The following IQCH variants were observed in gnomAD, a reference collection of about 807,000 sequenced individuals.
The protein encoded by IQCH is IQ motif containing H.
IQCH carries 98 observed loss-of-function variants against 117.0 expected under a neutral mutation model. The observed-to-expected ratio is 0.84, with a 90% CI of 0.71 to 0.99. The LOEUF is 0.99. Among genes scored for constraint, IQCH ranks in the 50% least tolerant of loss-of-function variants. The probability of loss-of-function intolerance (pLI) is 0.00; values close to 1 mark genes in which losing one functional copy is unlikely to be tolerated. For missense variants in IQCH, 1,102 were observed against 1,243.8 expected (o/e 0.89, Z 1.72); for synonymous variants, 412 against 448.2 (o/e 0.92, Z 1.02).
intron 4 of IQCH, among the ~76,000 whole-genome samples, chr15:67,281,097 G>A (rs1322915569): frequency 2.0e-5 from 3 of 152,068 alleles, no homozygotes; most frequent in African/African-American, 4.8e-5. Context: ...ACCCGCCTTG[G>A]CCTCCCAAAG....
chr15:67,498,342 G>A (rs1459177268), intron 20 of IQCH, among the ~76,000 whole-genome samples: 7 of 152,112 alleles, frequency 4.6e-5, no homozygotes, highest in South Asian at 2.1e-4. Flanking sequence ...TGGGCCGGGC[G>A]CGGTGGCTCA....
rs1052805743 is a variant in IQCH at position 67,391,401 on chromosome 15, T to C, written c.1632+2395T>C. ...GAGATTGTATCAGTGCTGATTTTCA[T>C]TTAAATGGATGGCTATGAGATTTTT... On this transcript the variant is annotated intron_variant, in intron 12 of 20. Transcript: ENST00000335894. The surrounding 1 kb of genome is among the most constrained non-coding windows in gnomAD (Gnocchi z 4.3). Among the ~76,000 whole-genome samples, 1 of 152,346 alleles carries C rather than the reference T, an allele frequency of 6.6e-6. No homozygotes were observed. The highest frequency in any genetic ancestry group is 2.4e-5 in the African/African-American group (1 of 41,580).
chr15:67,349,714 A>G (rs1362717935), intron 6 of IQCH, among the ~76,000 whole-genome samples: 1 of 152,206 alleles, frequency 6.6e-6, no homozygotes, highest in Non-Finnish European at 1.5e-5. Context: ...GACTCTTAAA[A>G]CTCAGTGATA....
At chr15:67,468,640 A>AT (rs922939424) in intron 17 of IQCH, among the ~76,000 whole-genome samples, 2 of 152,230 alleles carry the variant, frequency 1.3e-5, no homozygotes, top group African/African-American at 4.8e-5. Context: ...TAAGAACCTC[A>AT]TCAGCCTCTG....
intron 16 of IQCH, among the ~76,000 whole-genome samples, chr15:67,449,899 A>C (rs113528947): frequency 1.1e-4 from 16 of 152,054 alleles, no homozygotes; most frequent in Non-Finnish European, 1.2e-4. Flanking sequence ...CTTTTATTTC[A>C]TTGAACAGTG....
rs2082663734 is a variant in IQCH at position 67,456,658 on chromosome 15, T to G, written c.2506-8469T>G. ...AGTATTGTGTTGTATCTGACCGACA[T>G]GTTCTATTTGGTTGATATTTTTAAA... On this transcript the variant is annotated intron_variant, in intron 16 of 20. Coordinates refer to ENST00000335894, the MANE Select transcript of IQCH (RefSeq NM_001031715.3). The surrounding 1 kb of genome is among the most constrained non-coding windows in gnomAD (Gnocchi z 5.1). 2.6e-5 allele frequency among the ~76,000 whole-genome samples: 4 copies of G among 152,208 alleles called. 1 individual carries two copies. Among genetic ancestry groups the G allele is most frequent in the African/African-American group, 9.6e-5 (4 of 41,456 alleles).
chr15:67,325,954 T>C (rs1248956502), intron 4 of IQCH, among the ~76,000 whole-genome samples: 1 of 152,084 alleles, frequency 6.6e-6, no homozygotes, highest in Non-Finnish European at 1.5e-5. Context: ...AAATAGGAGG[T>C]TGTTTACATT....
chr15:67,446,355 T>A (rs2082390925), intron 16 of IQCH, among the ~76,000 whole-genome samples: 1 of 152,216 alleles, frequency 6.6e-6, no homozygotes, highest in Non-Finnish European at 1.5e-5. Context: ...AGCATTCTAG[T>A]GTATTCTCCT....
At chr15:67,306,783 A>G (rs1440206716) in intron 4 of IQCH, 2 of 1,386,996 alleles carry the variant, frequency 1.4e-6, no homozygotes, top group East Asian at 2.5e-5. Context: ...AATATCTTCA[A>G]TCTGCCAAAT....
rs764780502 is a variant in IQCH at position 67,372,269 on chromosome 15, C to G, written c.912C>G (p.His304Gln). Reference protein sequence around the residue: ...AWGGIFSLLEHVEKFLRNYAI... With the variant: ...AWGGIFSLLEQVEKFLRNYAI... ...GAGGTATTTTTTCTCTCTTGGAACA[C>G]GTCGAGAAGTTTCTCAGGAACTATG... The change falls in exon 9 of 21, where the codon CAC becomes CAG. Residue 304 changes from histidine (H) to glutamine (Q), a missense_variant. By Grantham distance (24) the His-to-Gln change is conservative. Coordinates refer to ENST00000335894, the MANE Select transcript of IQCH (RefSeq NM_001031715.3). The G allele has an allele frequency of 4.3e-6, 7 of 1,614,028 alleles. No homozygotes were observed. The highest frequency in any genetic ancestry group is 5.1e-6 in the Non-Finnish European group (6 of 1,179,996).
intron 10 of IQCH, among the ~76,000 whole-genome samples, chr15:67,378,827 C>T (rs1373091815): frequency 6.6e-6 from 1 of 151,970 alleles, no homozygotes; most frequent in African/African-American, 2.4e-5. Context: ...AAGATAACAT[C>T]CTTTACACTC....
chr15:67,291,849 G>A (rs970390454), intron 4 of IQCH, among the ~76,000 whole-genome samples: 5 of 152,252 alleles, frequency 3.3e-5, no homozygotes, highest in South Asian at 2.1e-4. Flanking sequence ...TGAGAGCAGC[G>A]ACTTTTTGAA....
intron 4 of IQCH, among the ~76,000 whole-genome samples, chr15:67,284,590 T>C (rs184402396): frequency 2.3e-4 from 35 of 152,300 alleles, no homozygotes; most frequent in Non-Finnish European, 3.8e-4. Context: ...ATTAGTTATT[T>C]TTCCTGATCC....
rs542424992 is a variant in IQCH, at chr15:67,428,554, T to TTTTTA, written c.2505+6979_2505+6980insTTATT. ...GCCCCAATATAATCACCAGGGTCCT[T>TTTTTA]TTAAAAGAGAGGCAGGCCGGGTGCG... On this transcript the variant is annotated intron_variant, in intron 16 of 20. Transcript: ENST00000335894. Among the ~76,000 whole-genome samples the TTTTTA allele has an allele frequency of 1.4e-3, 220 of 152,210 alleles. 2 individuals are homozygous for TTTTTA. The highest frequency in any genetic ancestry group is 4.9e-3 in the African/African-American group (205 of 41,548).
chr15:67,453,921 C>T lies in IQCH; in HGVS notation c.2506-11206C>T, dbSNP rs555021608. On this transcript the variant is annotated intron_variant, in intron 16 of 20. Transcript: ENST00000335894. This position sits in a 1 kb window ranked among gnomAD's most constrained non-coding sequence, Gnocchi z 5.8. ...TGTTTACGTAATCAAACAACTAACT[C>T]GGCAATGGCGGGCACCCCTCCCCCA... Among the ~76,000 whole-genome samples, 18 of 152,174 alleles carry T rather than the reference C, an allele frequency of 1.2e-4. No homozygotes were observed. The highest frequency in any genetic ancestry group is 2.0e-4 in the Admixed American group (3 of 15,282).
In IQCH at chr15:67,254,949, TG is replaced by T; in HGVS notation, c.51+5del. 6.2e-7 allele frequency: 1 copy of T among 1,613,070 alleles called. No homozygotes were observed. The highest frequency in any genetic ancestry group is 1.1e-5 in the South Asian group (1 of 90,954). The stretch of plus-strand genomic sequence containing the variant: ...CCTGTCGGATCCATCTTAATCCAGG[TG>T]GGAAACGGGCTTCCCCCGGCCCTGC... On this transcript the variant is annotated splice_donor_region_variant and intron_variant, in intron 1 of 20. Coordinates refer to ENST00000335894, the MANE Select transcript of IQCH (RefSeq NM_001031715.3).
intron 4 of IQCH, chr15:67,307,269 A>G (rs1422962475): frequency 3.2e-6 from 2 of 622,972 alleles, no homozygotes; most frequent in African/African-American, 4.0e-5. Context: ...TAATACTATT[A>G]TGATTTCTAG....
rs535694155 is a variant in IQCH, at chr15:67,476,289, T to G, written c.2799+471T>G. Among the ~76,000 whole-genome samples, 5 of 152,358 alleles carry G rather than the reference T, an allele frequency of 3.3e-5. No homozygotes were observed. The highest frequency in any genetic ancestry group is 1.2e-4 in the African/African-American group (5 of 41,590). The stretch of plus-strand genomic sequence containing the variant: ...ATCCAAGGACAAGGCACTAGCAGAT[T>G]TGGTTCCTGGTGAGGGCCTGCTTCC... On this transcript the variant is annotated intron_variant, in intron 18 of 20. Coordinates refer to ENST00000335894, the MANE Select transcript of IQCH (RefSeq NM_001031715.3). This position sits in a 1 kb window ranked among gnomAD's most constrained non-coding sequence, Gnocchi z 4.1.
At chr15:67,272,250 A>G (rs1383047409) in intron 3 of IQCH, among the ~76,000 whole-genome samples, 1 of 151,978 alleles carries the variant, frequency 6.6e-6, no homozygotes, top group Non-Finnish European at 1.5e-5. Context: ...TTCTAGTTTT[A>G]TCTCATTGTA....
Sources: allele counts gnomAD v4.1 joint callset (sites outside exome capture counted in the v4.1 genomes callset), GRCh38; gene constraint gnomAD v4.1.1; non-coding constraint Gnocchi (gnomAD v3.1); transcripts MANE v1.5; gene names NCBI Gene and HGNC (gene_info 2026-07-23, HGNC 2026-07-21).